Variants in DAB1 observed in about 807,000 individuals in gnomAD.
The protein encoded by DAB1 is DAB adaptor protein 1, also known as disabled homolog 1.
In DAB1, 15 loss-of-function variants were observed where a neutral mutation model predicts 64.6. The ratio of observed to expected loss-of-function variants is 0.23; its 90% CI spans 0.16 to 0.36. The LOEUF (loss-of-function observed/expected upper bound fraction) is 0.36, where lower values mean the gene tolerates loss of function less well. DAB1 is among the 10% of genes least tolerant of loss of function. The pLI is 1.00. For synonymous variants in DAB1, 235 were observed against 251.9 expected (o/e 0.93, Z 0.64); for missense variants, 596 against 706.7 (o/e 0.84, Z 1.78).
chr1:57,343,887 G>A (rs1202662255), intron 1 of DAB1, among the ~76,000 whole-genome samples: 1 of 152,254 alleles, frequency 6.6e-6, no homozygotes, highest in African/African-American at 2.4e-5. Flanking sequence ...GGCTCCTCAA[G>A]TGTGGCCAGA....
chr1:57,329,029 G>T (rs931126016), intron 1 of DAB1, among the ~76,000 whole-genome samples: 3 of 152,182 alleles, frequency 2.0e-5, no homozygotes, highest in African/African-American at 7.2e-5. Context: ...ATCCCAGCCT[G>T]ATCTTCCTGC....
intron 3 of DAB1, among the ~76,000 whole-genome samples, chr1:58,400,397 T>G (rs556580780): frequency 6.6e-6 from 1 of 152,120 alleles, no homozygotes; most frequent in East Asian, 1.9e-4. Context: ...AGGATGGTGA[T>G]GCATGATTCA....
chr1:57,869,008 T>C (rs1298532060), intron 1 of DAB1, among the ~76,000 whole-genome samples: 2 of 152,118 alleles, frequency 1.3e-5, no homozygotes, highest in African/African-American at 4.8e-5. Flanking sequence ...ATGGAATAAA[T>C]CTCAGTATCT....
chr1:57,181,378 T>G (rs1484017303), intron 2 of DAB1, among the ~76,000 whole-genome samples: 1 of 152,226 alleles, frequency 6.6e-6, no homozygotes, highest in Non-Finnish European at 1.5e-5. Flanking sequence ...GCAGCCTGTC[T>G]GCTTTACACA....
At position 58,057,002 on chromosome 1, in the gene DAB1, T is replaced by C. The variant is rs117875468; in HGVS notation, n.387+93509A>G. On this transcript the variant is annotated intron_variant and non_coding_transcript_variant, in intron 5 of 20. Coordinates refer to the DAB1 transcript ENST00000485760. ...CTGCTCACTTAAACAATCCCTTTAT[T>C]AAACCCTCTTTGAATTACTCTAATC... Among the ~76,000 whole-genome samples, 37 of 151,758 alleles carry C rather than the reference T, an allele frequency of 2.4e-4. No homozygotes were observed. The East Asian group carries it at 6.7e-3, about 27-fold the overall frequency.
At chr1:57,526,551 C>T (rs1489526738) in intron 7 of DAB1, among the ~76,000 whole-genome samples, 4 of 152,154 alleles carry the variant, frequency 2.6e-5, no homozygotes, top group Admixed American at 2.6e-4. Context: ...CCAGAATAAA[C>T]TAGGGAAACT....
intron 1 of DAB1, among the ~76,000 whole-genome samples, chr1:57,326,911 G>A (rs1676205705): frequency 6.6e-6 from 1 of 150,626 alleles, no homozygotes; most frequent in Admixed American, 6.6e-5. Flanking sequence ...GCTGTTCAGT[G>A]TTTTCATACA....
chr1:57,499,213 A>G (rs995042141), intron 7 of DAB1, among the ~76,000 whole-genome samples: 24 of 152,236 alleles, frequency 1.6e-4, no homozygotes, highest in African/African-American at 5.1e-4. Flanking sequence ...TGACCTCGTG[A>G]TCCGCCTGCC....
chr1:58,345,734 A>T (rs1205084347), intron 3 of DAB1, among the ~76,000 whole-genome samples: 1 of 152,064 alleles, frequency 6.6e-6, no homozygotes, highest in Non-Finnish European at 1.5e-5. Flanking sequence ...CGTGCCTAAG[A>T]GGACCTCTGG....
intron 1 of DAB1, among the ~76,000 whole-genome samples, chr1:57,882,912 GT>G (rs956305680): frequency 1.3e-5 from 2 of 152,132 alleles, no homozygotes; most frequent in African/African-American, 4.8e-5. Context: ...ACCGAACCCA[GT>G]TTTTTTGTCC....
chr1:57,835,563 T>C (rs1021612018), intron 1 of DAB1, among the ~76,000 whole-genome samples: 4 of 152,066 alleles, frequency 2.6e-5, no homozygotes, highest in African/African-American at 9.7e-5. Flanking sequence ...ACCCAGCAAG[T>C]TGTTGGGAAA....
intron 2 of DAB1, among the ~76,000 whole-genome samples, chr1:57,170,770 C>T (rs1661671799): frequency 6.6e-6 from 1 of 152,148 alleles, no homozygotes; most frequent in Non-Finnish European, 1.5e-5. Flanking sequence ...TCATTCTCTT[C>T]CCTGAAAGGC....
chr1:57,249,953 T>C (rs1420780269), intron 2 of DAB1, among the ~76,000 whole-genome samples: 1 of 152,258 alleles, frequency 6.6e-6, no homozygotes, highest in Admixed American at 6.5e-5. Context: ...GTTATAAATA[T>C]ACACAGGTTT....
chr1:58,542,958 T>A (rs1194619419), intron 1 of DAB1, among the ~76,000 whole-genome samples: 1 of 148,954 alleles, frequency 6.7e-6, no homozygotes, highest in African/African-American at 2.5e-5. Flanking sequence ...CAAAGCAATA[T>A]GAAAGCAAGA....
At chr1:57,845,437 C>T (rs1653238203) in intron 1 of DAB1, among the ~76,000 whole-genome samples, 1 of 152,158 alleles carries the variant, frequency 6.6e-6, no homozygotes, top group Non-Finnish European at 1.5e-5. Context: ...ATATGATCCT[C>T]TAACTGTTGT....
At chr1:57,645,765 A>C (rs1646185123) in intron 7 of DAB1, among the ~76,000 whole-genome samples, 1 of 152,230 alleles carries the variant, frequency 6.6e-6, no homozygotes, top group African/African-American at 2.4e-5. Context: ...ATCTTGGGGC[A>C]GAGATTTGAA....
At chr1:58,474,612 G>A (rs1274022665) in intron 3 of DAB1, among the ~76,000 whole-genome samples, 1 of 152,158 alleles carries the variant, frequency 6.6e-6, no homozygotes, top group Non-Finnish European at 1.5e-5. Flanking sequence ...CTTTTAGTTA[G>A]CTGATTGGCT....
At chr1:57,181,415 G>C (rs1662922643) in intron 2 of DAB1, among the ~76,000 whole-genome samples, 1 of 152,186 alleles carries the variant, frequency 6.6e-6, no homozygotes, top group Admixed American at 6.5e-5. Context: ...AGACTTCTGA[G>C]AAGCAGCTGA....
chr1:58,532,467 C>CAT, intron 1 of DAB1, among the ~76,000 whole-genome samples: 1 of 152,282 alleles, frequency 6.6e-6, no homozygotes, highest in Non-Finnish European at 1.5e-5. Context: ...TATTAGAGTG[C>CAT]ATATAATAAC....
Sources: gnomAD v4.1 joint callset for allele counts (sites outside exome capture counted in the v4.1 genomes callset) on GRCh38, gnomAD v4.1.1 for gene constraint, MANE v1.5 for transcripts, NCBI Gene and HGNC (gene_info 2026-07-23, HGNC 2026-07-21) for gene names.